Variants in ZNF91 observed in about 807,000 individuals in gnomAD.
ZNF91 encodes zinc finger protein 91.
In ZNF91, 7 loss-of-function variants were observed where a neutral mutation model predicts 12.6. The ratio of observed to expected loss-of-function variants is 0.55; its 90% CI spans 0.31 to 1.04. The LOEUF is 1.04. Ranked by LOEUF, ZNF91 falls within the 50% of genes least tolerant of loss-of-function variation. The pLI is 0.05. For missense variants in ZNF91, 1,217 were observed against 1,385.4 expected, an observed-to-expected ratio of 0.88 and a Z score of 1.93; for synonymous variants, 453 against 462.6, an observed-to-expected ratio of 0.98 and a Z score of 0.27.
downstream of ZNF91, among the ~76,000 whole-genome samples, chr19:23,354,617 C>T (rs1968443544): frequency 6.6e-6 from 1 of 152,076 alleles, no homozygotes. Flanking sequence ...GAAGTCCTAG[C>T]CAGAGCAATC....
intron 3 of ZNF91, 52 bp from the exon 4 acceptor site, chr19:23,362,777 A>G (rs1236377498): frequency 1.5e-6 from 2 of 1,339,900 alleles, no homozygotes; most frequent in African/African-American, 1.5e-5. Context: ...CTAGACTCAC[A>G]TGAATATAGT....
chr19:23,388,148 A>C (rs868637452), intron 1 of ZNF91, among the ~76,000 whole-genome samples: 10 of 152,150 alleles, frequency 6.6e-5, no homozygotes, highest in Middle Eastern at 3.4e-3. Flanking sequence ...CAGGAGGCTG[A>C]GGCAGGAGAA....
chr19:23,370,556 A>T (rs1969235696), intron 3 of ZNF91, among the ~76,000 whole-genome samples: 1 of 152,200 alleles, frequency 6.6e-6, no homozygotes, highest in African/African-American at 2.4e-5. Context: ...AAGCTTGAGT[A>T]GAGTGGCACA....
chr19:23,376,764 G>A (rs988753093), intron 1 of ZNF91, among the ~76,000 whole-genome samples: 2 of 152,120 alleles, frequency 1.3e-5, no homozygotes, highest in Admixed American at 6.5e-5. Flanking sequence ...GTAAAAATTT[G>A]CAAGTACTAA....
At position 23,362,552 on chromosome 19, in the gene ZNF91, T is replaced by G. The variant is rs760756933; in HGVS notation, c.427A>C (p.Asn143His). 6.2e-7 allele frequency: 1 copy of G among 1,600,944 alleles called. No homozygotes were observed. The highest frequency in any genetic ancestry group is 2.2e-5 in the East Asian group (1 of 44,798). The change falls in exon 4 of 4, where the codon AAC becomes CAC. Residue 143 changes from asparagine to histidine, a missense_variant. By Grantham distance (68) the Asn-to-His change is moderately conservative. Transcript: ENST00000300619. ...CTCTGGGCAGTTGTGAGACACTGGT[T>G]AAGTTTATTATAACCTTCTTTGTGC... is the stretch of plus-strand genomic sequence containing the variant. ...KVHKEGYNKLNQCLTTAQSKV... is the reference protein window; with the variant it reads ...KVHKEGYNKLHQCLTTAQSKV...
At chr19:23,379,205 C>T (rs1008513644) in intron 1 of ZNF91, among the ~76,000 whole-genome samples, 2 of 152,068 alleles carry the variant, frequency 1.3e-5, no homozygotes, top group African/African-American at 4.8e-5. Flanking sequence ...ATGAAACTAC[C>T]AAATAGGCAG....
chr19:23,364,641 T>C (rs936425364), intron 3 of ZNF91, among the ~76,000 whole-genome samples: 6 of 152,156 alleles, frequency 3.9e-5, no homozygotes, highest in Non-Finnish European at 4.4e-5. Context: ...ATGATAGTTT[T>C]AAATTATATT....
At chr19:23,368,562 C>CTCTCTCTATATATATATA (rs768532900) in intron 3 of ZNF91, among the ~76,000 whole-genome samples, 1 of 118,578 alleles carries the variant, frequency 8.4e-6, no homozygotes, top group African/African-American at 3.3e-5. Context: ...CTCTCTCTCT[C>CTCTCTCTATATATATATA]TATATATATA....
intron 1 of ZNF91, among the ~76,000 whole-genome samples, chr19:23,333,046 G>A (rs1444865681): frequency 6.6e-6 from 1 of 152,154 alleles, no homozygotes. Context: ...TGGACTCTGC[G>A]ATTCTGCTGG....
downstream of ZNF91, among the ~76,000 whole-genome samples, chr19:23,335,831 C>T (rs1967998196): frequency 6.6e-6 from 1 of 152,180 alleles, no homozygotes; most frequent in African/African-American, 2.4e-5. Context: ...CACCCACTGT[C>T]TAACAAGTCA....
At chr19:23,393,925 A>T (rs1970149482) in intron 1 of ZNF91, among the ~76,000 whole-genome samples, 7 of 152,160 alleles carry the variant, frequency 4.6e-5, no homozygotes, top group Admixed American at 4.6e-4. Flanking sequence ...ATTTGAGCCC[A>T]GTAGGCGGAG....
At chr19:23,318,529 C>T (rs1300425847) in intron 1 of ZNF91, among the ~76,000 whole-genome samples, 3 of 152,174 alleles carry the variant, frequency 2.0e-5, no homozygotes, top group African/African-American at 4.8e-5. Context: ...TGACATATTG[C>T]TGGGCTCAGC....
intron 1 of ZNF91, among the ~76,000 whole-genome samples, chr19:23,392,794 G>A (rs766957041): frequency 1.2e-5 from 1 of 86,932 alleles, no homozygotes; most frequent in African/African-American, 6.9e-5. Flanking sequence ...GCAAGATTTC[G>A]ACTCATAAAT....
At chr19:23,341,366 C>T (rs1968120485) in intron 3 of ZNF91, among the ~76,000 whole-genome samples, 1 of 152,034 alleles carries the variant, frequency 6.6e-6, no homozygotes, top group Admixed American at 6.6e-5. Flanking sequence ...TCATTTGATT[C>T]AGAAATCTCA....
At chr19:23,354,441 A>G (rs972687064), downstream of ZNF91, among the ~76,000 whole-genome samples, 3 of 152,226 alleles carry the variant, frequency 2.0e-5, no homozygotes, top group Admixed American at 1.3e-4. Flanking sequence ...ACCTCTCAGC[A>G]AAGTTGGCAT....
chr19:23,331,614 G>A (rs1424804896), intron 1 of ZNF91, among the ~76,000 whole-genome samples: 1 of 152,186 alleles, frequency 6.6e-6, no homozygotes, highest in Non-Finnish European at 1.5e-5. Context: ...GTTTCTCATG[G>A]ATTTGGCTTT....
Position 23,360,125 on chromosome 19 carries a change from T to G in ZNF91, c.2854A>C (p.Thr952Pro), listed in dbSNP as rs2145051566. Residue 952 changes from threonine (T) to proline (P), a missense_variant, in exon 4 of 4, where the codon ACC becomes CCC. This residue lies in a region of ZNF91 where 491 missense variants were observed against 489.8 expected (regional missense o/e 1.00). Coordinates refer to ENST00000300619, the MANE Select transcript of ZNF91 (RefSeq NM_003430.4). ...TGAATTATCTTATGTGTAGTAAGGG[T>G]TGAGGATTGGCTAAAAGCTTTGCCA... ...ECGKAFSQSS[T>P]LTTHKIIHTG... The G allele has an allele frequency of 6.2e-7, 1 of 1,613,402 alleles. No homozygotes were observed. Among genetic ancestry groups the G allele is most frequent in the Admixed American group, 1.7e-5 (1 of 60,002 alleles).
chr19:23,371,301 A>G (rs1969267278), intron 3 of ZNF91, among the ~76,000 whole-genome samples: 1 of 152,094 alleles, frequency 6.6e-6, no homozygotes, highest in South Asian at 2.1e-4. Context: ...AGCCAAGATC[A>G]TGCATTGCAC....
Position 23,360,505 on chromosome 19 carries a change from G to A in ZNF91, c.2474C>T (p.Pro825Leu), listed in dbSNP as rs547841465. The change falls in exon 4 of 4, where the codon CCC becomes CTC. Residue 825 changes from proline (P) to leucine (L), a missense_variant. This residue lies in a region of ZNF91 where 491 missense variants were observed against 489.8 expected (regional missense o/e 1.00). Transcript: ENST00000300619. ...TTTGCCACATTCTTTACATTTGTAG[G>A]GTTTCTCTCCAGTATGAATTGTCTT... ...KHKTIHTGEK[P>L]YKCKECGKAF... 280 of 1,613,554 alleles carry A rather than the reference G, an allele frequency of 1.7e-4. 3 individuals carry two copies. The East Asian group carries it at 5.7e-3, about 33-fold the overall frequency.
Sources: allele counts gnomAD v4.1 joint callset (sites outside exome capture counted in the v4.1 genomes callset), GRCh38; gene constraint gnomAD v4.1.1; regional missense constraint gnomAD v4.1.1; transcripts MANE v1.5; gene names NCBI Gene and HGNC (gene_info 2026-07-23, HGNC 2026-07-21).